The following HSD17B4 variants were observed in gnomAD, a reference collection of about 807,000 sequenced individuals.
HSD17B4 encodes hydroxysteroid 17-beta dehydrogenase 4.
Under a neutral mutation model 101.0 loss-of-function variants are expected in HSD17B4, and 70 were observed. The observed-to-expected ratio is 0.69, with a 90% CI of 0.57 to 0.85. HSD17B4 has a LOEUF of 0.85. Ranked by LOEUF, HSD17B4 falls within the 40% of genes least tolerant of loss-of-function variation. The pLI is 0.00. For missense variants in HSD17B4, 984 were observed against 892.4 expected, an observed-to-expected ratio of 1.10 and a Z score of -1.31; for synonymous variants, 347 against 297.1, an observed-to-expected ratio of 1.17 and a Z score of -1.73.
At chr5:119,513,083 T>G (rs1752315545) in intron 16 of HSD17B4, among the ~76,000 whole-genome samples, 1 of 152,198 alleles carries the variant, frequency 6.6e-6, no homozygotes. Context: ...ACTTATTGCT[T>G]GGATGTGAAA....
chr5:119,521,654 A>T (rs1753122551), intron 17 of HSD17B4, among the ~76,000 whole-genome samples: 1 of 151,458 alleles, frequency 6.6e-6, no homozygotes, highest in South Asian at 2.1e-4. Context: ...TCCTTTGGGT[A>T]CCTTATAATT....
chr5:119,514,752 A>G (rs1318396087), intron 16 of HSD17B4, among the ~76,000 whole-genome samples: 1 of 152,134 alleles, frequency 6.6e-6, no homozygotes, highest in Non-Finnish European at 1.5e-5. Context: ...TGATTACATA[A>G]TTCTTTACAT....
chr5:119,481,619 G>T (rs1028209069), intron 8 of HSD17B4, among the ~76,000 whole-genome samples: 1 of 152,120 alleles, frequency 6.6e-6, no homozygotes, highest in African/African-American at 2.4e-5. Flanking sequence ...ATTATGTGTA[G>T]ATCTAAACCA....
chr5:119,524,296 G>T (rs1753379485), intron 17 of HSD17B4, among the ~76,000 whole-genome samples: 1 of 151,932 alleles, frequency 6.6e-6, no homozygotes, highest in Non-Finnish European at 1.5e-5. Context: ...ATGAATTATA[G>T]AATATTTTCT....
rs1328854307 is a variant in HSD17B4, at chr5:119,476,712, C to T, written c.350-705C>T. On this transcript the variant is annotated intron_variant, in intron 6 of 23. Transcript: ENST00000510025. ...TATGTTGGTGCTTTTCTTGGTGCTG[C>T]AACGGGACTGAGGTATTTCCTTCTC... 8 of 985,386 alleles carry T rather than the reference C, an allele frequency of 8.1e-6. No homozygotes were observed. In the East Asian group the frequency reaches 9.1e-4, roughly 112 times the overall value. The allele number at this position is 985,386 out of a possible 1,614,324, so 61.0% of individuals were successfully genotyped here.
At chr5:119,474,842 A>G (rs927906651) in intron 4 of HSD17B4, among the ~76,000 whole-genome samples, 4 of 152,188 alleles carry the variant, frequency 2.6e-5, no homozygotes, top group African/African-American at 4.8e-5. Flanking sequence ...AAATAATCCA[A>G]TATCTTGCAA....
At chr5:119,491,589 A>G (rs936948905) in intron 9 of HSD17B4, among the ~76,000 whole-genome samples, 5 of 151,694 alleles carry the variant, frequency 3.3e-5, no homozygotes, top group Non-Finnish European at 7.4e-5. Context: ...AAGATGTTTC[A>G]TTAAAATGAG....
chr5:119,484,630 A>T lies in HSD17B4; in HGVS notation c.623-4562A>T, dbSNP rs556951644. Among the ~76,000 whole-genome samples the T allele has an allele frequency of 4.6e-5, 7 of 152,314 alleles. No individual in the cohort carries two copies. In the South Asian group the frequency reaches 1.2e-3, roughly 27 times the overall value. ...AAGTAGCTTCTGTGAAAAGGTACAA[A>T]ATAATTGATGAAATTATTTTAAAAT... On this transcript the variant is annotated intron_variant, in intron 8 of 23. Coordinates refer to ENST00000510025, the MANE Select transcript of HSD17B4 (RefSeq NM_000414.4).
chr5:119,515,260 T>TATAAA (rs1752515823), intron 17 of HSD17B4, among the ~76,000 whole-genome samples: 1 of 152,144 alleles, frequency 6.6e-6, no homozygotes, highest in Non-Finnish European at 1.5e-5. Flanking sequence ...CAAAATAAAA[T>TATAAA]ATAAAATGGT....
At chr5:119,473,442 C>G (rs186423584) in intron 2 of HSD17B4, among the ~76,000 whole-genome samples, 1 of 151,240 alleles carries the variant, frequency 6.6e-6, no homozygotes, top group African/African-American at 2.4e-5. Context: ...CCTCAGCCTC[C>G]CAAGTAGCTG....
intron 11 of HSD17B4, among the ~76,000 whole-genome samples, chr5:119,494,792 G>C (rs551006438): frequency 6.6e-6 from 1 of 152,182 alleles, no homozygotes; most frequent in East Asian, 1.9e-4. Flanking sequence ...TCATAGAAGG[G>C]ACTTAATAAT....
intron 17 of HSD17B4, among the ~76,000 whole-genome samples, chr5:119,517,529 C>A (rs1412557392): frequency 6.6e-6 from 1 of 152,242 alleles, no homozygotes; most frequent in Non-Finnish European, 1.5e-5. Context: ...CCACCTGCAG[C>A]CCTGGTGTGG....
chr5:119,466,325 G>C (rs1755807543), intron 2 of HSD17B4, among the ~76,000 whole-genome samples: 1 of 152,138 alleles, frequency 6.6e-6, no homozygotes, highest in Non-Finnish European at 1.5e-5. Context: ...CTCATAGAAT[G>C]AGTTTGGAAG....
At chr5:119,462,236 C>G (rs111283186) in intron 2 of HSD17B4, among the ~76,000 whole-genome samples, 7 of 147,110 alleles carry the variant, frequency 4.8e-5, no homozygotes, top group African/African-American at 1.8e-4. Flanking sequence ...ATATCCTCCC[C>G]CAACAAATGT....
At chr5:119,541,530 A>T (rs1253644006) in intron 23 of HSD17B4, among the ~76,000 whole-genome samples, 3 of 152,174 alleles carry the variant, frequency 2.0e-5, no homozygotes, top group African/African-American at 7.2e-5. Context: ...AATATTTTAA[A>T]TCTGCTTTTA....
At chr5:119,470,048 A>T (rs757235863) in intron 2 of HSD17B4, among the ~76,000 whole-genome samples, 1 of 152,160 alleles carries the variant, frequency 6.6e-6, no homozygotes, top group Non-Finnish European at 1.5e-5. Context: ...TATGGGGCAC[A>T]TGTGGCACAT....
At chr5:119,502,526 AAAC>A (rs768642833) in intron 14 of HSD17B4, among the ~76,000 whole-genome samples, 1 of 104,984 alleles carries the variant, frequency 9.5e-6, no homozygotes, top group Non-Finnish European at 2.1e-5. Context: ...GAGAAAATAA[AAAC>A]AAGTCTTTAA....
At chr5:119,484,833 T>A (rs10066301) in intron 8 of HSD17B4, among the ~76,000 whole-genome samples, 6,736 of 151,612 alleles carry the variant, frequency 0.044, 542 homozygotes, top group East Asian at 0.41. Flanking sequence ...GAGATCTAAT[T>A]TTTTCCCCTG....
intron 23 of HSD17B4, among the ~76,000 whole-genome samples, chr5:119,537,500 T>C (rs533681366): frequency 1.2e-4 from 19 of 152,304 alleles, no homozygotes; most frequent in African/African-American, 4.3e-4. Flanking sequence ...CAGGAATTTA[T>C]TTAGTACCTA....
Sources: allele counts gnomAD v4.1 joint callset (sites outside exome capture counted in the v4.1 genomes callset), GRCh38; gene constraint gnomAD v4.1.1; transcripts MANE v1.5; gene names NCBI Gene and HGNC (gene_info 2026-07-23, HGNC 2026-07-21).